WWTR1: variants seen among roughly 807,000 people sequenced by gnomAD.
WWTR1 encodes the protein WW domain-containing transcription regulator protein 1.
In WWTR1, 13 loss-of-function variants were observed where a neutral mutation model predicts 40.1. The ratio of observed to expected loss-of-function variants is 0.32; its 90% CI spans 0.21 to 0.52. The LOEUF (loss-of-function observed/expected upper bound fraction) is 0.52, where lower values mean the gene tolerates loss of function less well. Among genes scored for constraint, WWTR1 ranks in the 20% least tolerant of loss-of-function variants. WWTR1 has a pLI of 0.97. For synonymous variants in WWTR1, 230 were observed against 210.1 expected (o/e 1.09, Z -0.82); for missense variants, 436 against 523.1 (o/e 0.83, Z 1.63).
chr3:149,535,039 G>C (rs1187653367), intron 4 of WWTR1, among the ~76,000 whole-genome samples: 1 of 152,126 alleles, frequency 6.6e-6, no homozygotes, highest in Non-Finnish European at 1.5e-5. Context: ...CTGCAGCTCT[G>C]TCCCGCCTTG....
At chr3:149,616,583 C>T (rs1028743700) in intron 2 of WWTR1, among the ~76,000 whole-genome samples, 4 of 150,760 alleles carry the variant, frequency 2.7e-5, no homozygotes, top group Non-Finnish European at 2.9e-5. Flanking sequence ...GCTGGGATTA[C>T]AGGGACGTGC....
At chr3:149,684,178 AAT>A (rs147768266) in intron 1 of WWTR1, among the ~76,000 whole-genome samples, 3,205 of 151,032 alleles carry the variant, frequency 0.021, 62 homozygotes, top group South Asian at 0.092. Flanking sequence ...TTATTTAGAA[AAT>A]ATATATATAT....
chr3:149,559,388 T>A (rs1439658860), intron 3 of WWTR1, among the ~76,000 whole-genome samples: 1 of 151,536 alleles, frequency 6.6e-6, no homozygotes, highest in Non-Finnish European at 1.5e-5. Context: ...AGGAGAATGA[T>A]GTCTCCAACT....
intron 2 of WWTR1, among the ~76,000 whole-genome samples, chr3:149,588,424 T>C (rs1467531951): frequency 6.6e-6 from 1 of 152,180 alleles, no homozygotes; most frequent in African/African-American, 2.4e-5. Context: ...TCCAAACCAA[T>C]ACAAGTATGC....
intron 4 of WWTR1, among the ~76,000 whole-genome samples, chr3:149,528,702 G>A (rs1446129127): frequency 6.6e-6 from 1 of 152,110 alleles, no homozygotes; most frequent in African/African-American, 2.4e-5. Context: ...CTGGGAGGTT[G>A]AGACTAAAGT....
At chr3:149,660,138 C>T (rs966870584), upstream of WWTR1, 1 of 152,160 alleles carries the variant, frequency 6.6e-6, no homozygotes, top group African/African-American at 2.4e-5. Context: ...AAAGTAGAAT[C>T]TTTGCAAGCT....
intron 2 of WWTR1, among the ~76,000 whole-genome samples, chr3:149,640,036 AAG>A (rs1331017920): frequency 2.6e-5 from 4 of 151,746 alleles, no homozygotes; most frequent in Non-Finnish European, 5.9e-5. Context: ...GAAAGAAAGA[AAG>A]AAAAAGTACA....
Position 149,530,722 on chromosome 3 carries a change from A to G in WWTR1, c.772-2753T>C, listed in dbSNP as rs541059415. The stretch of plus-strand genomic sequence containing the variant: ...AGGAAATGTTTCACTGTGCCATTTC[A>G]CATTTGTTCCATCTGTTCTAAATCA... On this transcript the variant is annotated intron_variant, in intron 4 of 6. Transcript: ENST00000360632. Among the ~76,000 whole-genome samples the G allele has an allele frequency of 1.2e-4, 18 of 152,234 alleles. No homozygotes were observed. The South Asian group carries it at 3.7e-3, about 32-fold the overall frequency.
At chr3:149,525,807 A>C (rs1735276334) in intron 6 of WWTR1, 1 of 357,064 alleles carries the variant, frequency 2.8e-6, no homozygotes. Context: ...ATTGGGTACT[A>C]TGCTCACTAC....
In WWTR1 at chr3:149,526,028, C is replaced by A. The variant is rs749178396; in HGVS notation, c.1003G>T (p.Asp335Tyr). The change falls in exon 6 of 7, where the codon GAT (aspartate) becomes TAT (tyrosine). Residue 335 changes from aspartate to tyrosine, a missense_variant. Asp to Tyr is a radical substitution (Grantham distance 160). Transcript: ENST00000360632. Reference protein sequence around the residue: ...TTPEDFLSNVDEMDTGENAGQ... With the variant: ...TTPEDFLSNVYEMDTGENAGQ... ...TTGCTCCTACCTGTATCCATCTCATCCACATTGCTGAGGAAGTCCTCCGGA... is the reference window on the plus strand; with the variant it reads ...TTGCTCCTACCTGTATCCATCTCATACACATTGCTGAGGAAGTCCTCCGGA... 1.2e-6 allele frequency: 2 copies of A among 1,602,688 alleles called. No homozygotes were observed. Among genetic ancestry groups the A allele is most frequent in the Non-Finnish European group, 8.5e-7 (1 of 1,174,278 alleles).
chr3:149,616,055 C>G (rs901278434), intron 2 of WWTR1, among the ~76,000 whole-genome samples: 1 of 152,054 alleles, frequency 6.6e-6, no homozygotes, highest in Non-Finnish European at 1.5e-5. Context: ...TGAGAGACAT[C>G]CCTTCATAAA....
At chr3:149,527,174 G>A (rs1735360193) in intron 5 of WWTR1, among the ~76,000 whole-genome samples, 1 of 140,856 alleles carries the variant, frequency 7.1e-6, no homozygotes, top group South Asian at 2.2e-4. Flanking sequence ...TTTTTTTTGA[G>A]ATGGAGTTTC....
At chr3:149,570,095 G>C (rs1737546719) in intron 3 of WWTR1, among the ~76,000 whole-genome samples, 1 of 152,230 alleles carries the variant, frequency 6.6e-6, no homozygotes, top group Admixed American at 6.5e-5. Context: ...ACTGTATTGA[G>C]ACTCTCTAAA....
At chr3:149,538,161 C>G (rs1268059293) in intron 4 of WWTR1, among the ~76,000 whole-genome samples, 1 of 152,208 alleles carries the variant, frequency 6.6e-6, no homozygotes, top group African/African-American at 2.4e-5. Context: ...CTCAAGTGAT[C>G]TGCCCGCCTT....
Position 149,655,459 on chromosome 3 carries a change from A to T in WWTR1, c.431+1417T>A, listed in dbSNP as rs1713153588. ...GACTTTGTCTCAAAAACAAAAACAA[A>T]CAACAAACAACAACAACAAAAGTCA... On this transcript the variant is annotated intron_variant, in intron 2 of 6. Coordinates refer to ENST00000360632, the MANE Select transcript of WWTR1 (RefSeq NM_015472.6). 2.0e-5 allele frequency among the ~76,000 whole-genome samples: 3 copies of T among 148,562 alleles called. No homozygotes were observed. The South Asian group carries it at 6.3e-4, about 31-fold the overall frequency.
chr3:149,566,959 T>A (rs1305738519), intron 3 of WWTR1, among the ~76,000 whole-genome samples: 1 of 152,174 alleles, frequency 6.6e-6, no homozygotes, highest in Non-Finnish European at 1.5e-5. Flanking sequence ...TATGTAACTT[T>A]AAAAATTTCC....
At chr3:149,543,546 C>T (rs1373719659) in intron 3 of WWTR1, among the ~76,000 whole-genome samples, 2 of 109,430 alleles carry the variant, frequency 1.8e-5, no homozygotes, top group Admixed American at 1.2e-4. Context: ...CGCGCCACTA[C>T]ACTCCAGCCT....
intron 4 of WWTR1, among the ~76,000 whole-genome samples, chr3:149,718,590 C>A (rs981379899): frequency 2.0e-4 from 30 of 152,176 alleles, no homozygotes; most frequent in Non-Finnish European, 2.2e-4. Flanking sequence ...GATCTCTTTT[C>A]ATCTTGCAAA....
chr3:149,565,375 A>G (rs1258377318), intron 3 of WWTR1, among the ~76,000 whole-genome samples: 2 of 151,982 alleles, frequency 1.3e-5, no homozygotes, highest in African/African-American at 2.4e-5. Context: ...TTATCAAAGA[A>G]GAAATTTTCT....
Sources: allele counts gnomAD v4.1 joint callset (sites outside exome capture counted in the v4.1 genomes callset), GRCh38; gene constraint gnomAD v4.1.1; transcripts MANE v1.5; gene names NCBI Gene and HGNC (gene_info 2026-07-23, HGNC 2026-07-21).